CEP97: variants seen among roughly 807,000 people sequenced by gnomAD.
CEP97 encodes centrosomal protein 97.
CEP97 carries 43 observed loss-of-function variants against 73.1 expected under a neutral mutation model. The ratio of observed to expected loss-of-function variants is 0.59; its 90% CI spans 0.46 to 0.76. The LOEUF (loss-of-function observed/expected upper bound fraction) is 0.76. Ranked by LOEUF, CEP97 falls within the 30% of genes least tolerant of loss-of-function variation. The pLI is 0.00. For synonymous variants in CEP97, 337 were observed against 370.0 expected (o/e 0.91, Z 1.02); for missense variants, 939 against 1,014.0 (o/e 0.93, Z 1.00).
intron 6 of CEP97, among the ~76,000 whole-genome samples, chr3:101,734,073 G>A (rs796287311): frequency 3.9e-5 from 6 of 152,294 alleles, no homozygotes; most frequent in South Asian, 2.1e-4. Context: ...TGATGCGCCC[G>A]CCTCGGCCTC....
intron 9 of CEP97, among the ~76,000 whole-genome samples, chr3:101,761,122 C>T (rs1939161999): frequency 6.6e-6 from 1 of 152,126 alleles, no homozygotes; most frequent in South Asian, 2.1e-4. Context: ...CTGCCTGGGC[C>T]TCCCAAAGTG....
chr3:101,730,955 A>T (rs1004179454), intron 4 of CEP97, among the ~76,000 whole-genome samples: 72 of 139,520 alleles, frequency 5.2e-4, no homozygotes, highest in Non-Finnish European at 9.4e-4. Context: ...AGATGATTGA[A>T]TTTTTTTTTT....
chr3:101,732,728 A>G (rs1414838618), intron 6 of CEP97, 74 bp downstream of exon 6: 22 of 1,290,226 alleles, frequency 1.7e-5, no homozygotes, highest in Non-Finnish European at 2.4e-5. Flanking sequence ...TTAATAGAGT[A>G]TTTCTTAAAA....
chr3:101,726,556 T>A, intron 1 of CEP97, 38 bp from the exon 2 acceptor site: 1 of 1,527,278 alleles, frequency 6.5e-7, no homozygotes, highest in Non-Finnish European at 8.8e-7. Context: ...CATGTTTTAT[T>A]TTATTTGTGT....
intron 6 of CEP97, among the ~76,000 whole-genome samples, chr3:101,743,421 A>T (rs1263827398): frequency 1.3e-5 from 2 of 151,928 alleles, no homozygotes; most frequent in Non-Finnish European, 2.9e-5. Context: ...TTGAAGACAG[A>T]GTGTTGCTCT....
At chr3:101,740,225 C>G (rs1938406850) in intron 6 of CEP97, among the ~76,000 whole-genome samples, 1 of 152,060 alleles carries the variant, frequency 6.6e-6, no homozygotes, top group South Asian at 2.1e-4. Flanking sequence ...TTTGGAAAAC[C>G]CCATTGTTCC....
chr3:101,745,071 C>G (rs528132855), intron 6 of CEP97, among the ~76,000 whole-genome samples: 1 of 152,284 alleles, frequency 6.6e-6, no homozygotes, highest in African/African-American at 2.4e-5. Flanking sequence ...GAGAGACAAG[C>G]ATCTTTGTGT....
chr3:101,761,767 G>A (rs1453332462), intron 9 of CEP97, among the ~76,000 whole-genome samples: 1 of 152,112 alleles, frequency 6.6e-6, no homozygotes, highest in Non-Finnish European at 1.5e-5. Context: ...AGAAAGGCTT[G>A]GGGGGCTAGA....
chr3:101,747,554 T>C (rs954592935), intron 6 of CEP97, among the ~76,000 whole-genome samples: 3 of 149,430 alleles, frequency 2.0e-5, no homozygotes, highest in African/African-American at 7.4e-5. Context: ...CCACCGCGCC[T>C]GGCCTTCCTT....
At chr3:101,760,736 A>C (rs993475576) in intron 9 of CEP97, among the ~76,000 whole-genome samples, 1 of 152,032 alleles carries the variant, frequency 6.6e-6, no homozygotes, top group African/African-American at 2.4e-5. Flanking sequence ...AAAGAGATGA[A>C]GTCTATGTTG....
intron 7 of CEP97, among the ~76,000 whole-genome samples, chr3:101,756,792 T>C (rs1268738979): frequency 6.6e-6 from 1 of 152,246 alleles, no homozygotes; most frequent in Non-Finnish European, 1.5e-5. Flanking sequence ...AAGCATTTAA[T>C]ATTTACTTTC....
intron 4 of CEP97, 70 bp downstream of exon 4, chr3:101,729,007 C>A: frequency 1.1e-6 from 1 of 874,288 alleles, no homozygotes; most frequent in Non-Finnish European, 1.9e-6. Context: ...TCTTACTGAC[C>A]TAAAATTAGC....
intron 6 of CEP97, among the ~76,000 whole-genome samples, chr3:101,738,170 C>T (rs1938342423): frequency 6.6e-6 from 1 of 152,018 alleles, no homozygotes. Context: ...ATATTTGCAC[C>T]CAATACAGGA....
chr3:101,742,025 G>C (rs576747887), intron 6 of CEP97, among the ~76,000 whole-genome samples: 1 of 148,674 alleles, frequency 6.7e-6, no homozygotes, highest in Non-Finnish European at 1.5e-5. Flanking sequence ...CTGGGTGACA[G>C]AGTGAGACTC....
intron 6 of CEP97, among the ~76,000 whole-genome samples, chr3:101,737,226 CT>C (rs1187001160): frequency 2.0e-5 from 3 of 152,110 alleles, no homozygotes; most frequent in Non-Finnish European, 2.9e-5. Context: ...ATTGGTGTAC[CT>C]GAAAGTGACA....
At chr3:101,729,777 CT>C (rs879781929) in intron 4 of CEP97, among the ~76,000 whole-genome samples, 146 of 142,696 alleles carry the variant, frequency 1.0e-3, no homozygotes, top group Admixed American at 1.2e-3. Flanking sequence ...TTTTTCTTTT[CT>C]TTTTTTTTTT....
intron 6 of CEP97, among the ~76,000 whole-genome samples, chr3:101,734,838 G>A (rs1938223966): frequency 1.3e-5 from 2 of 152,328 alleles, no homozygotes; most frequent in South Asian, 4.1e-4. Context: ...GCATGGTGAT[G>A]TGGGCAGAGA....
intron 7 of CEP97, among the ~76,000 whole-genome samples, chr3:101,755,798 G>GT (rs1010015623): frequency 6.6e-6 from 1 of 152,112 alleles, no homozygotes; most frequent in African/African-American, 2.4e-5. Context: ...GAATAGAGGG[G>GT]TTTTTTTGTT....
intron 3 of CEP97, among the ~76,000 whole-genome samples, 156 bp downstream of exon 3, chr3:101,727,697 T>G (rs1386499457): frequency 1.3e-5 from 2 of 152,174 alleles, no homozygotes; most frequent in Admixed American, 1.3e-4. Context: ...TTTTGAAACA[T>G]ATAATATGAC....
Sources: gnomAD v4.1 joint callset for allele counts (sites outside exome capture counted in the v4.1 genomes callset) on GRCh38, gnomAD v4.1.1 for gene constraint, MANE v1.5 for transcripts, NCBI Gene and HGNC (gene_info 2026-07-23, HGNC 2026-07-21) for gene names.